FAM178B: variants seen among roughly 807,000 people sequenced by gnomAD.
FAM178B encodes the protein protein FAM178B.
A neutral mutation model predicts 91.7 loss-of-function variants in FAM178B; 82 were observed. The observed-to-expected ratio is 0.89, with a 90% CI of 0.75 to 1.07. The LOEUF is 1.07. FAM178B is among the 50% of genes least tolerant of loss of function. The pLI is 0.00. For synonymous variants in FAM178B, 368 were observed against 359.4 expected (o/e 1.02, Z -0.27); for missense variants, 769 against 846.7 (o/e 0.91, Z 1.14).
intron 12 of FAM178B, among the ~76,000 whole-genome samples, chr2:96,907,352 C>A (rs1181602627): frequency 6.6e-6 from 1 of 152,204 alleles, no homozygotes; most frequent in African/African-American, 2.4e-5. Context: ...CCAGACTGTG[C>A]AGGGCACAAG....
chr2:96,967,697 G>T, intron 4 of FAM178B, 70 bp from the exon 5 acceptor site: 1 of 1,094,926 alleles, frequency 9.1e-7, no homozygotes, highest in Non-Finnish European at 1.3e-6. Context: ...TCACTGGGCT[G>T]CAGGTGTTGC....
chr2:96,958,314 C>T (rs1039496633), intron 6 of FAM178B, among the ~76,000 whole-genome samples: 2 of 152,158 alleles, frequency 1.3e-5, no homozygotes, highest in Non-Finnish European at 2.9e-5. Flanking sequence ...TCATGATCCG[C>T]CCGCCTCGGC....
chr2:96,903,049 A>AT (rs1186813885), intron 12 of FAM178B, among the ~76,000 whole-genome samples: 1 of 151,614 alleles, frequency 6.6e-6, no homozygotes, highest in African/African-American at 2.4e-5. Context: ...ATTTTATTTT[A>AT]TTTTTTTTGA....
chr2:96,969,864 G>A (rs2082193698), intron 4 of FAM178B, among the ~76,000 whole-genome samples: 1 of 152,248 alleles, frequency 6.6e-6, no homozygotes, highest in Admixed American at 6.5e-5. Flanking sequence ...AGTGCATGAG[G>A]AGCTCTCTGC....
rs551619528 is a variant in FAM178B, at chr2:96,935,151, T to C, written c.1079-5831A>G. Among the ~76,000 whole-genome samples, 31 of 151,748 alleles carry C rather than the reference T, an allele frequency of 2.0e-4. No homozygotes were observed. The South Asian group carries it at 6.0e-3, about 30-fold the overall frequency. On this transcript the variant is annotated intron_variant, in intron 8 of 16. Transcript: ENST00000490605. ...TTAGGTTTGGCTACAAATAACAAAA[T>C]GGAACAAAATTAAAACAAACAAACA...
At chr2:96,926,610 T>G (rs980131039) in intron 9 of FAM178B, among the ~76,000 whole-genome samples, 1 of 151,958 alleles carries the variant, frequency 6.6e-6, no homozygotes, top group Non-Finnish European at 1.5e-5. Context: ...CATCCTTTCC[T>G]TGAAATGTCC....
At chr2:96,898,462 C>T (rs2080864597) in intron 13 of FAM178B, among the ~76,000 whole-genome samples, 1 of 152,134 alleles carries the variant, frequency 6.6e-6, no homozygotes, top group Admixed American at 6.5e-5. Context: ...TGTGACCACC[C>T]TTGTCAACAT....
chr2:96,890,974 G>A lies in FAM178B; in HGVS notation c.1776+2952C>T, dbSNP rs534181313. Among the ~76,000 whole-genome samples, 6 of 152,340 alleles carry A rather than the reference G, an allele frequency of 3.9e-5. No homozygotes were observed. In the South Asian group the frequency reaches 6.2e-4, roughly 16 times the overall value. ...GCCATAGATAACCAAAAGCGGCTCA[G>A]CTTTGTTTTCTTTATCCAGAAGCTC... On this transcript the variant is annotated intron_variant, in intron 14 of 16. Coordinates refer to ENST00000490605, the MANE Select transcript of FAM178B (RefSeq NM_001122646.3).
intron 8 of FAM178B, among the ~76,000 whole-genome samples, chr2:96,933,882 T>C (rs888352599): frequency 6.6e-6 from 1 of 152,220 alleles, no homozygotes. Context: ...AGTCCGATCT[T>C]AACTGGAGTG....
chr2:96,900,089 C>T (rs912239883), intron 13 of FAM178B, among the ~76,000 whole-genome samples: 10 of 152,036 alleles, frequency 6.6e-5, no homozygotes, highest in African/African-American at 2.2e-4. Context: ...AAGCAAAATG[C>T]CAAGCCTTGA....
intron 12 of FAM178B, among the ~76,000 whole-genome samples, chr2:96,903,629 C>A (rs1302310606): frequency 6.6e-6 from 1 of 152,246 alleles, no homozygotes; most frequent in Non-Finnish European, 1.5e-5. Context: ...GGTGGCCATC[C>A]TGCCTCCTGG....
At chr2:96,914,626 T>C (rs539689907) in intron 12 of FAM178B, among the ~76,000 whole-genome samples, 39 of 152,344 alleles carry the variant, frequency 2.6e-4, no homozygotes, top group South Asian at 1.7e-3. Context: ...CTGTGGCTCA[T>C]GCCTGTGATC....
intron 12 of FAM178B, among the ~76,000 whole-genome samples, chr2:96,909,463 G>A (rs752314003): frequency 2.6e-5 from 4 of 152,140 alleles, no homozygotes; most frequent in Admixed American, 6.5e-5. Flanking sequence ...CCACATTCCC[G>A]TGGCTGCCCC....
intron 12 of FAM178B, among the ~76,000 whole-genome samples, chr2:96,910,322 C>T (rs1034501201): frequency 2.6e-5 from 4 of 152,084 alleles, no homozygotes; most frequent in Non-Finnish European, 5.9e-5. Flanking sequence ...AGTGAGACGC[C>T]GTCCCACCGG....
At chr2:96,877,803 G>A in intron 16 of FAM178B, 87 bp downstream of exon 16, 1 of 1,357,086 alleles carries the variant, frequency 7.4e-7, no homozygotes, top group African/African-American at 1.4e-5. Flanking sequence ...AGCAGCTGCA[G>A]CGGGGGTGGA....
chr2:96,911,457 C>T (rs1010576899), intron 12 of FAM178B, among the ~76,000 whole-genome samples: 4 of 152,226 alleles, frequency 2.6e-5, no homozygotes, highest in Admixed American at 1.3e-4. Flanking sequence ...AGCGTGGAAG[C>T]CTGCAGGGAG....
chr2:96,923,639 G>T, intron 9 of FAM178B, 56 bp from the exon 10 acceptor site: 1 of 1,351,432 alleles, frequency 7.4e-7, no homozygotes, highest in Non-Finnish European at 1.0e-6. Context: ...CACAGGGGCA[G>T]GAGTGAGGCG....
At chr2:96,885,855 G>A (rs1313217496) in intron 14 of FAM178B, among the ~76,000 whole-genome samples, 2 of 152,224 alleles carry the variant, frequency 1.3e-5, no homozygotes, top group East Asian at 3.8e-4. Context: ...CGGTGCCTAT[G>A]TGTAAGAGTT....
At chr2:96,952,521 C>T (rs1048259580) in intron 6 of FAM178B, among the ~76,000 whole-genome samples, 2 of 152,174 alleles carry the variant, frequency 1.3e-5, no homozygotes, top group East Asian at 3.9e-4. Flanking sequence ...TGAGCCCTGC[C>T]TTGGGGACCA....
Sources: gnomAD v4.1 joint callset for allele counts (sites outside exome capture counted in the v4.1 genomes callset) on GRCh38, gnomAD v4.1.1 for gene constraint, MANE v1.5 for transcripts, NCBI Gene and HGNC (gene_info 2026-07-23, HGNC 2026-07-21) for gene names.